HDDC2: variants seen among roughly 807,000 people sequenced by gnomAD.
HDDC2 encodes HD domain containing 2, also known as 5'-deoxynucleotidase HDDC2.
HDDC2 carries 25 observed loss-of-function variants against 25.5 expected under a neutral mutation model. The ratio of observed to expected loss-of-function variants is 0.98; its 90% CI spans 0.72 to 1.37. The LOEUF (loss-of-function observed/expected upper bound fraction) is 1.37, where lower values mean the gene tolerates loss of function less well. HDDC2 is among the 40% of genes most tolerant of loss of function. The pLI is 0.00. For missense variants in HDDC2, 264 were observed against 253.1 expected (o/e 1.04, Z -0.29); for synonymous variants, 106 against 89.7 (o/e 1.18, Z -1.03).
intron 4 of HDDC2, among the ~76,000 whole-genome samples, chr6:125,279,743 T>C (rs907959182): frequency 9.2e-5 from 14 of 151,930 alleles, no homozygotes; most frequent in Non-Finnish European, 1.8e-4. Context: ...CCAATCAAAA[T>C]AAGCAACAGA....
At chr6:125,296,989 C>T (rs1798713536) in intron 3 of HDDC2, among the ~76,000 whole-genome samples, 1 of 152,234 alleles carries the variant, frequency 6.6e-6, no homozygotes, top group Non-Finnish European at 1.5e-5. Context: ...AGAGGGAAGT[C>T]TGTCTTTTTC....
At chr6:125,279,307 G>T (rs1033119983) in intron 4 of HDDC2, 1 of 152,200 alleles carries the variant, frequency 6.6e-6, no homozygotes, top group African/African-American at 2.4e-5. Context: ...CTTTCCAGGA[G>T]AGGGCCCACA....
intron 1 of HDDC2, among the ~76,000 whole-genome samples, chr6:125,301,227 T>A (rs184039359): frequency 6.6e-6 from 1 of 152,296 alleles, no homozygotes; most frequent in East Asian, 1.9e-4. Context: ...CAGAGTGGCA[T>A]GAAACGGATA....
At chr6:125,280,619 A>G (rs1285373577) in intron 4 of HDDC2, among the ~76,000 whole-genome samples, 3 of 152,234 alleles carry the variant, frequency 2.0e-5, no homozygotes, top group African/African-American at 7.2e-5. Flanking sequence ...AACTGGGCGG[A>G]GCCCACCACA....
intron 4 of HDDC2, among the ~76,000 whole-genome samples, chr6:125,282,724 T>C (rs764897096): frequency 1.4e-5 from 2 of 142,442 alleles, no homozygotes; most frequent in South Asian, 2.1e-4. Context: ...GACTGGCAAA[T>C]TGGATAGAGT....
chr6:125,276,686 A>G (rs993301769), intron 5 of HDDC2: 5 of 237,286 alleles, frequency 2.1e-5, no homozygotes, highest in East Asian at 1.1e-4. Context: ...CATGATGTAA[A>G]CAAGGATGCA....
chr6:125,283,503 G>C (rs1798490250), intron 4 of HDDC2, among the ~76,000 whole-genome samples: 1 of 152,162 alleles, frequency 6.6e-6, no homozygotes, highest in African/African-American at 2.4e-5. Flanking sequence ...AAAATCACAA[G>C]CATTCCTATA....
chr6:125,277,298 G>A, intron 4 of HDDC2, 58 bp from the exon 5 acceptor site: 1 of 1,551,998 alleles, frequency 6.4e-7, no homozygotes, highest in East Asian at 2.3e-5. Context: ...GGTATCCTGG[G>A]AAAATTCTGA....
intron 3 of HDDC2, among the ~76,000 whole-genome samples, chr6:125,294,167 C>T (rs537030939): frequency 6.6e-6 from 1 of 152,050 alleles, no homozygotes; most frequent in Non-Finnish European, 1.5e-5. Flanking sequence ...GCTCTTTGAA[C>T]GGAATATGGC....
chr6:125,276,165 G>A lies in HDDC2; in HGVS notation c.596C>T (p.Ala199Val). Residue 199 changes from alanine (A) to valine (V), a missense_variant, in exon 6 of 6, where the codon GCC (alanine) becomes GTC (valine). By Grantham distance (64) the Ala-to-Val change is moderately conservative. Coordinates refer to ENST00000398153, the MANE Select transcript of HDDC2 (RefSeq NM_016063.3). ...AERSTNIAAA[A>V]SEPHS ...AGTGTCTCAGGAGTGTGGCTCACTG[G>A]CAGCTGCAGCTATGTTAGTGCTTCT... 3 of 1,612,898 alleles carry A rather than the reference G, an allele frequency of 1.9e-6. No homozygotes were observed. The highest frequency in any genetic ancestry group is 1.6e-4 in the Middle Eastern group (1 of 6,062).
chr6:125,276,340 G>C (rs1562431851), intron 5 of HDDC2, 97 bp from the exon 6 acceptor site: 5 of 868,746 alleles, frequency 5.8e-6, no homozygotes, highest in Non-Finnish European at 7.6e-6. Context: ...GGGGGCTCTA[G>C]TCTACGATCT....
At chr6:125,294,924 T>A (rs1343444469) in intron 3 of HDDC2, among the ~76,000 whole-genome samples, 1 of 152,216 alleles carries the variant, frequency 6.6e-6, no homozygotes, top group Non-Finnish European at 1.5e-5. Flanking sequence ...AAACAGCAAA[T>A]ACGTTGTTGC....
At chr6:125,301,076 G>A (rs1798794351) in intron 1 of HDDC2, among the ~76,000 whole-genome samples, 1 of 152,122 alleles carries the variant, frequency 6.6e-6, no homozygotes. Context: ...CAAATTCTGA[G>A]GCACAAGGGA....
At chr6:125,290,523 G>A (rs1583053161) in intron 4 of HDDC2, among the ~76,000 whole-genome samples, 1 of 152,324 alleles carries the variant, frequency 6.6e-6, no homozygotes. Flanking sequence ...ACCTGTGAAT[G>A]TGACCCTATT....
In HDDC2 at chr6:125,277,226, T is replaced by C; in HGVS notation, c.393A>G (p.Gln131=). 1.2e-5 allele frequency: 19 copies of C among 1,614,100 alleles called. No homozygotes were observed. The highest frequency in any genetic ancestry group is 1.5e-5 in the Non-Finnish European group (18 of 1,179,972). ...TCACAAATTTGGCTTCTGCACTAGA[T>C]TGGGTCTCGTACTCCTAAGTAAAGG... ...LYELWEEYET[Q]SSAEAKFVKQ... is the part of the protein sequence containing the mutation. The change falls in exon 5 of 6, where the codon CAA becomes CAG. Residue 131 remains glutamine, a synonymous_variant. Transcript: ENST00000398153.
At position 125,301,482 on chromosome 6, in the gene HDDC2, G is replaced by GCACA. The variant is rs3839545; in HGVS notation, c.84+363_84+366dup. On this transcript the variant is annotated intron_variant, in intron 1 of 5. Coordinates refer to ENST00000398153, the MANE Select transcript of HDDC2 (RefSeq NM_016063.3). ...ACACACACGAGTTCTGGGGTCGTGA[G>GCACA]CACACACACACACACACACACACAC... is the stretch of plus-strand genomic sequence containing the variant. Among the ~76,000 whole-genome samples, 115 of 120,418 alleles carry GCACA rather than the reference G, an allele frequency of 9.6e-4. 1 individual carries two copies. Among genetic ancestry groups the GCACA allele is most frequent in the African/African-American group, 2.2e-3 (64 of 29,728 alleles). The allele number at this position is 120,418 out of a possible 152,430, so 79.0% of individuals were successfully genotyped here.
intron 4 of HDDC2, among the ~76,000 whole-genome samples, chr6:125,284,332 G>C (rs1370181484): frequency 2.0e-5 from 3 of 152,130 alleles, no homozygotes; most frequent in African/African-American, 7.2e-5. Context: ...TTAAACTAAA[G>C]AGCTTCTGCA....
intron 4 of HDDC2, among the ~76,000 whole-genome samples, chr6:125,291,466 G>A (rs1315929120): frequency 6.6e-6 from 1 of 152,172 alleles, no homozygotes; most frequent in African/African-American, 2.4e-5. Context: ...ACAGCACTCA[G>A]TTGCCGGATG....
intron 3 of HDDC2, among the ~76,000 whole-genome samples, chr6:125,296,014 C>A (rs1449227603): frequency 6.6e-6 from 1 of 151,998 alleles, no homozygotes; most frequent in East Asian, 1.9e-4. Flanking sequence ...CATCTTAATA[C>A]CTACTTTTCT....
Sources: allele counts gnomAD v4.1 joint callset (sites outside exome capture counted in the v4.1 genomes callset), GRCh38; gene constraint gnomAD v4.1.1; transcripts MANE v1.5; gene names NCBI Gene and HGNC (gene_info 2026-07-23, HGNC 2026-07-21).